Variants in TRIM24 observed in about 807,000 individuals in gnomAD.
TRIM24 encodes the protein tripartite motif containing 24.
In TRIM24, 29 loss-of-function variants were observed where a neutral mutation model predicts 123.9. That is an observed-to-expected ratio of 0.23 (90% CI 0.17 to 0.32). TRIM24 has a LOEUF of 0.32. Ranked by LOEUF, TRIM24 falls within the 10% of genes least tolerant of loss-of-function variation. TRIM24 has a pLI of 1.00. For missense variants in TRIM24, 932 were observed against 1,295.3 expected, an observed-to-expected ratio of 0.72 and a Z score of 4.31; for synonymous variants, 456 against 461.1, an observed-to-expected ratio of 0.99 and a Z score of 0.14.
intron 12 of TRIM24, among the ~76,000 whole-genome samples, chr7:138,575,250 C>G (rs1266043347): frequency 6.6e-6 from 1 of 152,088 alleles, no homozygotes; most frequent in Admixed American, 6.5e-5. Context: ...TAGTTTTCAA[C>G]TATTCTAAAA....
intron 1 of TRIM24, among the ~76,000 whole-genome samples, chr7:138,498,664 G>T (rs909118933): frequency 6.7e-6 from 1 of 149,736 alleles, no homozygotes; most frequent in Non-Finnish European, 1.5e-5. Context: ...TTTTTTTTCC[G>T]AGACGGAGTT....
At chr7:138,537,031 C>T (rs967625325) in intron 6 of TRIM24, among the ~76,000 whole-genome samples, 7 of 152,268 alleles carry the variant, frequency 4.6e-5, no homozygotes, top group African/African-American at 1.7e-4. Context: ...GGGTTATAAT[C>T]TCCTGGTGTG....
At chr7:138,501,712 C>G (rs1796044173) in intron 1 of TRIM24, among the ~76,000 whole-genome samples, 1 of 151,894 alleles carries the variant, frequency 6.6e-6, no homozygotes, top group Admixed American at 6.6e-5. Flanking sequence ...ATGTTGAAAA[C>G]CCATCTCTAC....
chr7:138,486,710 C>A (rs1428903635), intron 1 of TRIM24, among the ~76,000 whole-genome samples: 1 of 152,046 alleles, frequency 6.6e-6, no homozygotes, highest in African/African-American at 2.4e-5. Context: ...CTGTTTTGGT[C>A]CCAGTACCAT....
intron 11 of TRIM24, among the ~76,000 whole-genome samples, chr7:138,571,278 G>C (rs770221931): frequency 6.6e-6 from 1 of 152,206 alleles, no homozygotes; most frequent in Non-Finnish European, 1.5e-5. Context: ...TAGCCTAACA[G>C]AGCGAGACCC....
At chr7:138,538,559 TA>T (rs1223302206) in intron 6 of TRIM24, 97 bp from the exon 7 acceptor site, 14 of 1,275,270 alleles carry the variant, frequency 1.1e-5, no homozygotes, top group African/African-American at 1.5e-5. Flanking sequence ...ATTGAGTAAT[TA>T]GAGATTGTAG....
At chr7:138,474,323 C>G (rs752597078) in intron 1 of TRIM24, among the ~76,000 whole-genome samples, 7 of 151,828 alleles carry the variant, frequency 4.6e-5, no homozygotes, top group Non-Finnish European at 1.0e-4. Flanking sequence ...GACGGGGTTT[C>G]ACCATGTTAG....
chr7:138,582,417 C>T (rs1235062765), intron 17 of TRIM24, among the ~76,000 whole-genome samples: 1 of 152,022 alleles, frequency 6.6e-6, no homozygotes, highest in Non-Finnish European at 1.5e-5. Context: ...TGGCAGGCGC[C>T]TGTAGTCCCA....
chr7:138,525,950 A>G (rs974817728), intron 5 of TRIM24, among the ~76,000 whole-genome samples: 3 of 152,212 alleles, frequency 2.0e-5, no homozygotes, highest in Admixed American at 6.5e-5. Flanking sequence ...GAGAACCACT[A>G]ACCTCCATGG....
intron 14 of TRIM24, among the ~76,000 whole-genome samples, chr7:138,578,555 TGTGTGTGTGC>T (rs1797818093): frequency 1.5e-5 from 2 of 131,236 alleles, no homozygotes; most frequent in African/African-American, 5.3e-5. Context: ...TGTGTGTGTG[TGTGTGTGTGC>T]GCGCACGCAC....
chr7:138,479,947 C>T (rs1795490100), intron 1 of TRIM24, among the ~76,000 whole-genome samples: 1 of 151,844 alleles, frequency 6.6e-6, no homozygotes, highest in South Asian at 2.1e-4. Flanking sequence ...GCCTTCCAAG[C>T]AGCTGGGATT....
At chr7:138,536,837 C>T (rs1796887298) in intron 6 of TRIM24, among the ~76,000 whole-genome samples, 1 of 152,216 alleles carries the variant, frequency 6.6e-6, no homozygotes, top group African/African-American at 2.4e-5. Flanking sequence ...GGCACGCAGG[C>T]CTCCTTGAGC....
intron 5 of TRIM24, among the ~76,000 whole-genome samples, chr7:138,528,773 G>T: frequency 1.6e-5 from 1 of 62,068 alleles, no homozygotes; most frequent in African/African-American, 7.8e-5. Context: ...ATCCTTTTTG[G>T]TCCACCCCCA....
rs539510277 is a variant in TRIM24 at position 138,479,487 on chromosome 7, C to T, written c.364+18575C>T. ...TGCCAGGTTCAAATGATCCTCCAGC[C>T]GTAGACTCCTGAGTAGCTGGGCGTG... On this transcript the variant is annotated intron_variant, in intron 1 of 18. Transcript: ENST00000343526. 1.6e-4 allele frequency among the ~76,000 whole-genome samples: 24 copies of T among 152,062 alleles called. No individual in the cohort carries two copies. In the South Asian group the frequency reaches 2.7e-3, roughly 17 times the overall value.
Position 138,551,074 on chromosome 7 carries a change from G to T in TRIM24, c.1155G>T (p.Arg385=). The T allele has an allele frequency of 6.2e-7, 1 of 1,613,540 alleles. No homozygotes were observed. The highest frequency in any genetic ancestry group is 1.1e-5 in the South Asian group (1 of 91,068). The change falls in exon 8 of 19, where the codon CGG becomes CGT. Residue 385 remains arginine (R), a synonymous_variant. Transcript: ENST00000343526. ...CCTTTTTCTTCTAGATTACATACCG[G>T]TTACGGCACCTCCTTCGTGCAAGGT... ...LLYSKRLITY[R]LRHLLRARCD... is the part of the protein sequence containing the mutation.
chr7:138,561,190 G>A (rs539590208), intron 9 of TRIM24, among the ~76,000 whole-genome samples: 1 of 152,234 alleles, frequency 6.6e-6, no homozygotes, highest in Admixed American at 6.5e-5. Flanking sequence ...CTGATGTTCT[G>A]TGGGCAGAAA....
At chr7:138,581,052 G>A (rs1797884605) in intron 16 of TRIM24, among the ~76,000 whole-genome samples, 1 of 151,994 alleles carries the variant, frequency 6.6e-6, no homozygotes, top group Non-Finnish European at 1.5e-5. Flanking sequence ...TACTCTTCCT[G>A]GAAATAATTC....
rs536686012 is a variant in TRIM24, at chr7:138,480,569, G to A, written c.364+19657G>A. 5.7e-4 allele frequency among the ~76,000 whole-genome samples: 86 copies of A among 152,212 alleles called. 2 individuals carry two copies. The South Asian group carries it at 0.018, about 31-fold the overall frequency. On this transcript the variant is annotated intron_variant, in intron 1 of 18. Transcript: ENST00000343526. ...AAGCAATGAAGCTATTAACATTCTTGTTAATATATCCTGCTGTTCGTATAT... is the reference window on the plus strand; with the variant it reads ...AAGCAATGAAGCTATTAACATTCTTATTAATATATCCTGCTGTTCGTATAT...
At chr7:138,475,147 C>CTT (rs1470144809) in intron 1 of TRIM24, among the ~76,000 whole-genome samples, 1 of 152,068 alleles carries the variant, frequency 6.6e-6, no homozygotes, top group Admixed American at 6.6e-5. Context: ...GATATTACTA[C>CTT]TTTAAATAGA....
Sources: allele counts gnomAD v4.1 joint callset (sites outside exome capture counted in the v4.1 genomes callset), GRCh38; gene constraint gnomAD v4.1.1; transcripts MANE v1.5; gene names NCBI Gene and HGNC (gene_info 2026-07-23, HGNC 2026-07-21).